The following SH3KBP1 variants were observed in gnomAD, a reference collection of about 807,000 sequenced individuals.
SH3KBP1 encodes SH3 domain containing kinase binding protein 1.
SH3KBP1 carries 8 observed loss-of-function variants against 50.1 expected under a neutral mutation model. The ratio of observed to expected loss-of-function variants is 0.16; its 90% CI spans 0.09 to 0.29. The LOEUF (loss-of-function observed/expected upper bound fraction) is 0.29, where lower values mean the gene tolerates loss of function less well. SH3KBP1 is among the 10% of genes least tolerant of loss of function. SH3KBP1 has a pLI of 1.00. For missense variants in SH3KBP1, 377 were observed against 535.2 expected, an observed-to-expected ratio of 0.70 and a Z score of 2.92; for synonymous variants, 227 against 218.6, an observed-to-expected ratio of 1.04 and a Z score of -0.34.
chrX:19,669,757 C>T (rs778562543), intron 6 of SH3KBP1, among the ~76,000 whole-genome samples: 14 of 111,737 alleles, frequency 1.3e-4, no homozygotes, highest in Admixed American at 4.8e-4. Context: ...CAACCCCTAA[C>T]GGCACTCTCC....
Position 19,777,507 on chromosome X carries a change from C to A in SH3KBP1, c.163-31066G>T, listed in dbSNP as rs751228674. Among the ~76,000 whole-genome samples, 68 of 111,197 alleles carry A rather than the reference C, an allele frequency of 6.1e-4. 1 individual carries two copies. The highest frequency in any genetic ancestry group is 1.3e-3 in the Admixed American group (14 of 10,512). On this transcript the variant is annotated intron_variant, in intron 2 of 17. Transcript: ENST00000397821. ...TAAGGACCTGGGGCTCTGTTTTTAA[C>A]CCCCTAGTTCTCACCCCCACTACTT...
chrX:19,611,956 G>GAAAAAAAAAAAAAAAAAAA (rs3036638), intron 8 of SH3KBP1, among the ~76,000 whole-genome samples: 3 of 38,036 alleles, frequency 7.9e-5, no homozygotes, highest in African/African-American at 3.0e-4. Context: ...AGCAGAAGTA[G>GAAAAAAAAAAAAAAAAAAA]AAAAAAAAAA....
intron 3 of SH3KBP1, among the ~76,000 whole-genome samples, chrX:19,730,893 A>C (rs2064356872): frequency 8.9e-6 from 1 of 112,133 alleles, no homozygotes; most frequent in African/African-American, 3.2e-5. Flanking sequence ...TATAGAAAAT[A>C]AACTGAACTC....
At chrX:19,705,360 C>A (rs1242814822) in intron 4 of SH3KBP1, among the ~76,000 whole-genome samples, 1 of 111,980 alleles carries the variant, frequency 8.9e-6, no homozygotes, top group Non-Finnish European at 1.9e-5. Flanking sequence ...GTACCAAAAT[C>A]TTAACCATTT....
At chrX:19,707,921 C>G (rs1188798112) in intron 3 of SH3KBP1, among the ~76,000 whole-genome samples, 1 of 112,651 alleles carries the variant, frequency 8.9e-6, no homozygotes, top group African/African-American at 3.2e-5. Context: ...GAAGTGAGAC[C>G]GACATTGCTC....
chrX:19,855,278 C>G (rs892116651), intron 1 of SH3KBP1, among the ~76,000 whole-genome samples: 1 of 111,793 alleles, frequency 8.9e-6, no homozygotes, highest in Admixed American at 9.5e-5. Flanking sequence ...GCTACCATGC[C>G]CCGCCGGTAA....
At chrX:19,541,794 T>G (rs1478159317) in intron 16 of SH3KBP1, 131 bp downstream of exon 16, 23 of 723,038 alleles carry the variant, frequency 3.2e-5, no homozygotes, top group Non-Finnish European at 3.7e-5. Context: ...ACTCCCACCA[T>G]TGCTGCCACC....
At chrX:19,852,449 G>T (rs1454888635) in intron 1 of SH3KBP1, among the ~76,000 whole-genome samples, 1 of 110,621 alleles carries the variant, frequency 9.0e-6, no homozygotes, top group Non-Finnish European at 1.9e-5. Context: ...ACTGGAATAC[G>T]CTCTACAAGG....
At chrX:19,774,598 G>A (rs2065902095) in intron 2 of SH3KBP1, among the ~76,000 whole-genome samples, 2 of 106,318 alleles carry the variant, frequency 1.9e-5, no homozygotes, top group African/African-American at 6.9e-5. Flanking sequence ...GTGAACCCAG[G>A]AGGCGGAGCT....
chrX:19,556,376 G>A (rs2065492070), intron 13 of SH3KBP1, among the ~76,000 whole-genome samples: 1 of 109,547 alleles, frequency 9.1e-6, no homozygotes, highest in African/African-American at 3.3e-5. Context: ...GAAACACCAT[G>A]AGGTAGTCTG....
chrX:19,825,339 A>G (rs1396078542), intron 2 of SH3KBP1, among the ~76,000 whole-genome samples: 1 of 111,894 alleles, frequency 8.9e-6, no homozygotes, highest in Admixed American at 9.5e-5. Context: ...TTCCACCTGA[A>G]TGGACACTTG....
chrX:19,760,035 TCTCTC>T (rs1306468178), intron 2 of SH3KBP1, among the ~76,000 whole-genome samples: 1 of 65,199 alleles, frequency 1.5e-5, no homozygotes, highest in African/African-American at 8.0e-5. Context: ...TCTCTCTCTC[TCTCTC>T]CCTCTCTCTC....
intron 13 of SH3KBP1, among the ~76,000 whole-genome samples, chrX:19,554,335 T>TATCATATTAATATAA (rs1569279331): frequency 3.9e-5 from 3 of 76,133 alleles, no homozygotes; most frequent in Non-Finnish European, 7.1e-5. Flanking sequence ...AAATATAATA[T>TATCATATTAATATAA]TATATATCAT....
At chrX:19,726,086 T>C (rs970905695) in intron 3 of SH3KBP1, among the ~76,000 whole-genome samples, 7 of 111,682 alleles carry the variant, frequency 6.3e-5, no homozygotes, top group African/African-American at 2.0e-4. Context: ...GACAGGACTA[T>C]AGAAACAGCT....
At chrX:19,599,437 G>C (rs1176302216) in intron 9 of SH3KBP1, among the ~76,000 whole-genome samples, 1 of 112,339 alleles carries the variant, frequency 8.9e-6, no homozygotes, top group Non-Finnish European at 1.9e-5. Flanking sequence ...GTCACAGCAA[G>C]CATGTGTGTG....
chrX:19,566,531 C>T (rs959087018), intron 13 of SH3KBP1, among the ~76,000 whole-genome samples: 1 of 111,641 alleles, frequency 9.0e-6, no homozygotes, highest in Non-Finnish European at 1.9e-5. Context: ...CTCCTGAGGT[C>T]GCACATGACC....
At chrX:19,592,449 G>C (rs898027804) in intron 10 of SH3KBP1, among the ~76,000 whole-genome samples, 4 of 111,897 alleles carry the variant, frequency 3.6e-5, no homozygotes, top group African/African-American at 9.7e-5. Flanking sequence ...ATCACCGGGT[G>C]GGGGTGGAGA....
intron 6 of SH3KBP1, chrX:19,670,970 C>A: frequency 1.8e-6 from 2 of 1,102,830 alleles, no homozygotes; most frequent in African/African-American, 1.9e-5. Flanking sequence ...GAGGACCCAG[C>A]CTAACCCTGA....
chrX:19,847,797 A>C (rs1439788129), intron 1 of SH3KBP1, among the ~76,000 whole-genome samples: 1 of 112,358 alleles, frequency 8.9e-6, no homozygotes, highest in Non-Finnish European at 1.9e-5. Context: ...GTTGCTAGTC[A>C]AGTATCTACT....
Sources: allele counts gnomAD v4.1 joint callset (sites outside exome capture counted in the v4.1 genomes callset), GRCh38; gene constraint gnomAD v4.1.1; transcripts MANE v1.5; gene names NCBI Gene and HGNC (gene_info 2026-07-23, HGNC 2026-07-21).